The following PIK3CD variants were observed in gnomAD, a reference collection of about 807,000 sequenced individuals.
PIK3CD encodes phosphatidylinositol-4,5-bisphosphate 3-kinase catalytic subunit delta.
A neutral mutation model predicts 122.9 loss-of-function variants in PIK3CD; 20 were observed. The observed-to-expected ratio is 0.16, with a 90% CI of 0.11 to 0.24. The LOEUF (loss-of-function observed/expected upper bound fraction) is 0.24. Ranked by LOEUF, PIK3CD falls within the 10% of genes least tolerant of loss-of-function variation. The pLI is 1.00. For synonymous variants in PIK3CD, 596 were observed against 593.4 expected (o/e 1.00, Z -0.06); for missense variants, 787 against 1,406.3 (o/e 0.56, Z 7.04).
chr1:9,725,422 G>A (rs1397604397), intron 23 of PIK3CD, among the ~76,000 whole-genome samples: 1 of 151,934 alleles, frequency 6.6e-6, no homozygotes, highest in East Asian at 1.9e-4. Flanking sequence ...GCATGGTGGT[G>A]CATTCCTGTA....
chr1:9,703,204 T>A (rs984897979), intron 2 of PIK3CD, among the ~76,000 whole-genome samples: 5 of 152,252 alleles, frequency 3.3e-5, no homozygotes, highest in African/African-American at 1.2e-4. Flanking sequence ...CCCACTGGAC[T>A]GACTTGATAG....
Position 9,720,084 on chromosome 1 carries a change from C to G in PIK3CD, c.1340-28C>G, listed in dbSNP as rs1648267915. Reference sequence around the variant, plus strand: ...GGTCCCAGAGATGCTGGTCACCCCTCTACAACTTCATCTGCCCCTGTGTTC... The same window carrying G: ...GGTCCCAGAGATGCTGGTCACCCCTGTACAACTTCATCTGCCCCTGTGTTC... On this transcript the variant is annotated intron_variant, in intron 10 of 23. Coordinates refer to ENST00000377346, the MANE Select transcript of PIK3CD (RefSeq NM_005026.5). The surrounding 1 kb of genome is among the most constrained non-coding windows in gnomAD (Gnocchi z 9.0). 1 of 1,613,240 alleles carries G rather than the reference C, an allele frequency of 6.2e-7. No homozygotes were observed. Among genetic ancestry groups the G allele is most frequent in the Non-Finnish European group, 8.5e-7 (1 of 1,180,012 alleles).
Position 9,689,790 on chromosome 1 carries a change from C to T in PIK3CD, c.-137-1677C>T, listed in dbSNP as rs1646127552. ...CCGCCCCCAGCCCCGCCGGGCGTCC[C>T]ACCCCGCCCAGCCCCGGGCTTTGTC... is the stretch of plus-strand genomic sequence containing the variant. On this transcript the variant is annotated intron_variant, in intron 1 of 23. Coordinates refer to ENST00000377346, the MANE Select transcript of PIK3CD (RefSeq NM_005026.5). The surrounding 1 kb of genome is among the most constrained non-coding windows in gnomAD (Gnocchi z 6.1). 6.6e-6 allele frequency among the ~76,000 whole-genome samples: 1 copy of T among 151,640 alleles called. No homozygotes were observed. The highest frequency in any genetic ancestry group is 1.5e-5 in the Non-Finnish European group (1 of 67,802).
In PIK3CD at chr1:9,727,289, T is replaced by C. The variant is rs1001081171; in HGVS notation, c.*243T>C. 1.8e-6 allele frequency: 1 copy of C among 555,542 alleles called. No homozygotes were observed. Among genetic ancestry groups the C allele is most frequent in the African/African-American group, 1.9e-5 (1 of 53,174 alleles). 34.4% of individuals were successfully genotyped at this position (555,542 alleles called of 1,614,324 possible). On this transcript the variant is annotated 3_prime_UTR_variant, in exon 24 of 24. Coordinates refer to ENST00000377346, the MANE Select transcript of PIK3CD (RefSeq NM_005026.5). ...TGGGCCCCCCGAGGCTGCACCTGGC[T>C]CTCGGCTGAGGATTGTCACCCCAAG...
intron 1 of PIK3CD, chr1:9,654,706 G>T: frequency 2.9e-6 from 1 of 347,204 alleles, no homozygotes; most frequent in South Asian, 2.2e-5. Flanking sequence ...AGCTGCCGGT[G>T]TGGGCCTGAT....
chr1:9,699,600 CTT>C (rs113698547), intron 2 of PIK3CD, among the ~76,000 whole-genome samples: 27,751 of 145,646 alleles, frequency 0.19, 3,781 homozygotes, highest in South Asian at 0.39. Flanking sequence ...TTTGTACTTT[CTT>C]TTTTTTTTTT....
At chr1:9,687,019 T>G (rs1243171067) in intron 1 of PIK3CD, among the ~76,000 whole-genome samples, 1 of 152,210 alleles carries the variant, frequency 6.6e-6, no homozygotes, top group Non-Finnish European at 1.5e-5. Context: ...AAGTCACTTT[T>G]GGGGGCTTTT....
At chr1:9,688,519 GAAC>G (rs1166487981) in intron 1 of PIK3CD, among the ~76,000 whole-genome samples, 2 of 152,214 alleles carry the variant, frequency 1.3e-5, no homozygotes, top group Non-Finnish European at 2.9e-5. Flanking sequence ...AACCAAGGGA[GAAC>G]AACATCTATC....
At chr1:9,650,634 A>G (rs917555054), upstream of PIK3CD, among the ~76,000 whole-genome samples, 4 of 152,078 alleles carry the variant, frequency 2.6e-5, no homozygotes, top group East Asian at 5.8e-4. Flanking sequence ...AAAAAAGAAA[A>G]GAAAAAAGAA....
In PIK3CD at chr1:9,717,834, G is replaced by A. The variant is rs1238895150; in HGVS notation, c.1020+208G>A. The stretch of plus-strand genomic sequence containing the variant: ...AGCCGGCCCTGGAGGCTGATTCGTA[G>A]AAACTTGGGCCAAGCAGCGTTCTGG... On this transcript the variant is annotated intron_variant, in intron 8 of 23. Transcript: ENST00000377346. The surrounding 1 kb of genome is among the most constrained non-coding windows in gnomAD (Gnocchi z 5.4). Among the ~76,000 whole-genome samples the A allele has an allele frequency of 6.6e-6, 1 of 152,200 alleles. No homozygotes were observed. Among genetic ancestry groups the A allele is most frequent in the Admixed American group, 6.5e-5 (1 of 15,284 alleles).
Position 9,727,574 on chromosome 1 carries a change from A to T in PIK3CD, c.*528A>T, listed in dbSNP as rs138630914. On this transcript the variant is annotated 3_prime_UTR_variant, in exon 24 of 24. Coordinates refer to ENST00000377346, the MANE Select transcript of PIK3CD (RefSeq NM_005026.5). ...TCCACTTTTCAAGTGGGTCTTGGGTACGAGAATTCCCTCATCTTTCTCTAC... is the reference window on the plus strand; with the variant it reads ...TCCACTTTTCAAGTGGGTCTTGGGTTCGAGAATTCCCTCATCTTTCTCTAC... The T allele has an allele frequency of 2.8e-4, 66 of 232,964 alleles. No individual in the cohort carries two copies. Among genetic ancestry groups the T allele is most frequent in the East Asian group, 2.8e-3 (42 of 14,888 alleles). The allele number at this position is 232,964 out of a possible 1,614,324, so 14.4% of individuals were successfully genotyped here. A position where few individuals can be genotyped will look rare whatever the true frequency, so the allele number is the denominator to read the frequency against.
upstream of PIK3CD, among the ~76,000 whole-genome samples, chr1:9,649,406 A>AT (rs975994733): frequency 2.0e-5 from 3 of 151,176 alleles, no homozygotes; most frequent in African/African-American, 7.3e-5. Flanking sequence ...AATTTTTTCT[A>AT]TTTTTTTGTA....
chr1:9,709,714 A>G (rs932475177), intron 2 of PIK3CD, among the ~76,000 whole-genome samples: 3 of 151,814 alleles, frequency 2.0e-5, no homozygotes, highest in Non-Finnish European at 4.4e-5. Flanking sequence ...AAAAAAAAAA[A>G]TCTATTTCAC....
At chr1:9,667,445 C>T (rs538884236) in intron 1 of PIK3CD, among the ~76,000 whole-genome samples, 7 of 151,240 alleles carry the variant, frequency 4.6e-5, no homozygotes, top group African/African-American at 1.2e-4. Context: ...GGCGCAATCT[C>T]GACTCACTGC....
intron 2 of PIK3CD, among the ~76,000 whole-genome samples, chr1:9,696,574 A>G (rs1337749851): frequency 1.3e-5 from 2 of 151,930 alleles, no homozygotes; most frequent in African/African-American, 4.8e-5. Flanking sequence ...CAACATAGTG[A>G]GACCCCATCT....
intron 1 of PIK3CD, among the ~76,000 whole-genome samples, chr1:9,678,679 C>T (rs1272758572): frequency 6.6e-6 from 1 of 152,160 alleles, no homozygotes; most frequent in Non-Finnish European, 1.5e-5. Context: ...GACTCTGAAA[C>T]CAACCTCAAA....
At chr1:9,681,501 C>T (rs1254066319) in intron 1 of PIK3CD, among the ~76,000 whole-genome samples, 1 of 152,106 alleles carries the variant, frequency 6.6e-6, no homozygotes, top group African/African-American at 2.4e-5. Context: ...TGCAACCTCC[C>T]CTTCCCGGGT....
Position 9,721,556 on chromosome 1 carries a change from A to G in PIK3CD, c.1924A>G (p.Lys642Glu). 1 of 1,613,606 alleles carries G rather than the reference A, an allele frequency of 6.2e-7. No homozygotes were observed. The highest frequency in any genetic ancestry group is 8.5e-7 in the Non-Finnish European group (1 of 1,180,018). ...GCTGGACCGGGCCCTGGCCAACCGC[A>G]AGATCGGCCACTTCCTTTTCTGGCA... The part of the protein sequence containing the change: ...FLLDRALANR[K>E]IGHFLFWHLR... Residue 642 changes from lysine (K) to glutamate (E), a missense_variant, in exon 15 of 24, where the codon AAG becomes GAG. By Grantham distance (56) the Lys-to-Glu change is moderately conservative. Transcript: ENST00000377346.
chr1:9,682,216 C>T (rs1356375248), intron 1 of PIK3CD, among the ~76,000 whole-genome samples: 1 of 152,088 alleles, frequency 6.6e-6, no homozygotes, highest in Non-Finnish European at 1.5e-5. Context: ...AGCCACCACA[C>T]CTAGCCAAGG....
Sources: gnomAD v4.1 joint callset for allele counts (sites outside exome capture counted in the v4.1 genomes callset) on GRCh38, gnomAD v4.1.1 for gene constraint, Gnocchi (gnomAD v3.1) non-coding constraint, MANE v1.5 for transcripts, NCBI Gene and HGNC (gene_info 2026-07-23, HGNC 2026-07-21) for gene names.